Variants in USP54 observed in about 807,000 individuals in gnomAD.
USP54 encodes the protein ubiquitin specific peptidase 54.
In USP54, 87 loss-of-function variants were observed where a neutral mutation model predicts 170.5. The ratio of observed to expected loss-of-function variants is 0.51; its 90% CI spans 0.43 to 0.61. The LOEUF (loss-of-function observed/expected upper bound fraction) is 0.61. Ranked by LOEUF, USP54 falls within the 20% of genes least tolerant of loss-of-function variation. The pLI is 0.00. For missense variants in USP54, 1,786 were observed against 2,047.8 expected (o/e 0.87, Z 2.47); for synonymous variants, 655 against 742.8 (o/e 0.88, Z 1.92).
chr10:73,601,434 A>T (rs1291151638), intron 1 of USP54, among the ~76,000 whole-genome samples: 1 of 152,190 alleles, frequency 6.6e-6, no homozygotes, highest in African/African-American at 2.4e-5. Flanking sequence ...ACTTAGAGAA[A>T]GACTGAATGT....
At chr10:73,552,727 G>A (rs796884369) in intron 4 of USP54, among the ~76,000 whole-genome samples, 1 of 152,166 alleles carries the variant, frequency 6.6e-6, no homozygotes, top group Non-Finnish European at 1.5e-5. Flanking sequence ...GGAGGTGGAG[G>A]CTGCAGTAAG....
intron 1 of USP54, among the ~76,000 whole-genome samples, chr10:73,621,890 G>A (rs191433352): frequency 6.6e-6 from 1 of 152,058 alleles, no homozygotes; most frequent in East Asian, 1.9e-4. Flanking sequence ...GTTCCCCATA[G>A]GTAGTGTAAA....
chr10:73,573,075 G>A (rs891229249), intron 3 of USP54, among the ~76,000 whole-genome samples: 2 of 152,014 alleles, frequency 1.3e-5, no homozygotes, highest in African/African-American at 2.4e-5. Flanking sequence ...TTTGAGCCCA[G>A]GAGTTCAAGA....
chr10:73,519,377 A>C (rs930372242), intron 19 of USP54: 2 of 211,788 alleles, frequency 9.4e-6, no homozygotes, highest in African/African-American at 4.6e-5. Context: ...CTATGGTGCA[A>C]TCAGAGCAAG....
intron 1 of USP54, among the ~76,000 whole-genome samples, chr10:73,584,416 T>C (rs7073477): frequency 0.051 from 7,767 of 152,140 alleles, 605 homozygotes; most frequent in African/African-American, 0.17. Flanking sequence ...TTGACGTAGT[T>C]TGTGATCCTA....
chr10:73,567,467 T>G (rs112587588), intron 4 of USP54, among the ~76,000 whole-genome samples: 5 of 152,132 alleles, frequency 3.3e-5, no homozygotes, highest in African/African-American at 1.2e-4. Context: ...GGTCAGGAGT[T>G]CGGGACCAGC....
In USP54 at chr10:73,516,515, A is replaced by G. The variant is rs1160364867; in HGVS notation, c.3911T>C (p.Leu1304Ser). 6.2e-7 allele frequency: 1 copy of G among 1,614,152 alleles called. No individual in the cohort carries two copies. Among genetic ancestry groups the G allele is most frequent in the Non-Finnish European group, 8.5e-7 (1 of 1,180,034 alleles). The change falls in exon 20 of 24, where the codon TTG (leucine) becomes TCG (serine). Residue 1304 changes from leucine (L) to serine (S), a missense_variant. By Grantham distance (145) the Leu-to-Ser change is moderately radical. This residue lies in a region of USP54 where 1,418 missense variants were observed against 1,569.0 expected (regional missense o/e 0.90). Transcript: ENST00000687698. ...TGTGTCTTGGTTCCAATGTGGATGCAAAAGGATGTGATTTCTCTCTGGATA... is the reference window on the plus strand; with the variant it reads ...TGTGTCTTGGTTCCAATGTGGATGCGAAAGGATGTGATTTCTCTCTGGATA... ...VTYPERNHIL[L>S]HPHWNQDTEQ...
intron 1 of USP54, among the ~76,000 whole-genome samples, chr10:73,580,781 G>A (rs1218003521): frequency 6.6e-6 from 1 of 152,036 alleles, no homozygotes; most frequent in Non-Finnish European, 1.5e-5. Context: ...GTTTCACCAT[G>A]TTGACCATGC....
intron 4 of USP54, among the ~76,000 whole-genome samples, chr10:73,552,530 C>G (rs1038200777): frequency 4.6e-5 from 7 of 152,186 alleles, no homozygotes; most frequent in African/African-American, 1.7e-4. Flanking sequence ...GTGGCCCACG[C>G]CTGTGATCCC....
rs184046848 is a variant in USP54 at position 73,621,892 on chromosome 10, T to C, written c.-18+3675A>G. ...AACATTCACATTAGTTCCCCATAGG[T>C]AGTGTAAATATCTGAGGGAGAAAAT... On this transcript the variant is annotated intron_variant, in intron 1 of 22. Coordinates refer to the USP54 transcript ENST00000339859. Among the ~76,000 whole-genome samples, 28 of 152,240 alleles carry C rather than the reference T, an allele frequency of 1.8e-4. No individual in the cohort carries two copies. The East Asian group carries it at 4.4e-3, about 24-fold the overall frequency.
chr10:73,587,492 C>A (rs1305945971), intron 1 of USP54, among the ~76,000 whole-genome samples: 2 of 151,444 alleles, frequency 1.3e-5, no homozygotes, highest in Non-Finnish European at 2.9e-5. Context: ...ACAAAAAGTG[C>A]ACCCTCTGCA....
rs1167735000 is a variant in USP54 at position 73,517,140 on chromosome 10, A to C, written c.3286T>G (p.Cys1096Gly). ...GTTTTGAGGCTTTGGCCTTGGAGGC[A>C]TTGGTTAGTTTTCTGCACAGGATCA... is the stretch of plus-strand genomic sequence containing the variant. ...CPDPVQKTNQ[C>G]LQGQSLKTSL... is the part of the protein sequence containing the mutation. Residue 1096 changes from cysteine (C) to glycine (G), a missense_variant, in exon 20 of 24, where the codon TGC (cysteine) becomes GGC (glycine). Around this residue, in one of 3 missense-constraint regions of USP54, gnomAD observed 1,418 missense variants for 1,569.0 expected, o/e 0.90. Transcript: ENST00000687698. The C allele has an allele frequency of 2.5e-6, 4 of 1,614,080 alleles. No homozygotes were observed. Among genetic ancestry groups the C allele is most frequent in the Non-Finnish European group, 2.5e-6 (3 of 1,180,034 alleles).
intron 1 of USP54, among the ~76,000 whole-genome samples, chr10:73,582,262 A>G (rs2076983569): frequency 6.6e-6 from 1 of 152,194 alleles, no homozygotes; most frequent in Non-Finnish European, 1.5e-5. Flanking sequence ...AGCATAAGAG[A>G]TTCATTATGA....
At chr10:73,606,354 T>C (rs1325982121) in intron 1 of USP54, 1 of 151,874 alleles carries the variant, frequency 6.6e-6, no homozygotes, top group Non-Finnish European at 1.5e-5. Context: ...CAAAGTGGGG[T>C]GTGATGCTGC....
chr10:73,602,275 G>A (rs1248796837), intron 1 of USP54, among the ~76,000 whole-genome samples: 6 of 152,138 alleles, frequency 3.9e-5, no homozygotes, highest in Middle Eastern at 6.8e-3. Context: ...TATAATAGCC[G>A]GGCACGGTGG....
At chr10:73,612,984 C>T (rs550899093) in intron 1 of USP54, among the ~76,000 whole-genome samples, 2 of 151,852 alleles carry the variant, frequency 1.3e-5, no homozygotes, top group African/African-American at 4.8e-5. Context: ...GGTGAGGCCC[C>T]GTCTCTCCAA....
chr10:73,575,020 T>C (rs1220442020), intron 3 of USP54, among the ~76,000 whole-genome samples: 1 of 151,638 alleles, frequency 6.6e-6, no homozygotes, highest in East Asian at 1.9e-4. Context: ...AGGTCAGGAG[T>C]TCGAGACCAG....
At chr10:73,555,555 C>A (rs1251097289) in intron 4 of USP54, among the ~76,000 whole-genome samples, 1 of 152,044 alleles carries the variant, frequency 6.6e-6, no homozygotes, top group African/African-American at 2.4e-5. Context: ...TGGACAGAGA[C>A]AGAGATGGGC....
intron 4 of USP54, among the ~76,000 whole-genome samples, chr10:73,554,119 G>T (rs572960130): frequency 6.6e-6 from 1 of 152,206 alleles, no homozygotes; most frequent in East Asian, 1.9e-4. Flanking sequence ...TTCTCTCTCA[G>T]GATTTCCCAG....
Sources: allele counts gnomAD v4.1 joint callset (sites outside exome capture counted in the v4.1 genomes callset), GRCh38; gene constraint gnomAD v4.1.1; regional missense constraint gnomAD v4.1.1; transcripts MANE v1.5; gene names NCBI Gene and HGNC (gene_info 2026-07-23, HGNC 2026-07-21).